Variants in LUZP1 observed in about 807,000 individuals in gnomAD.
The protein encoded by LUZP1 is filamin mechanobinding actin cross-linking protein.
A neutral mutation model predicts 71.3 loss-of-function variants in LUZP1; 25 were observed. That is an observed-to-expected ratio of 0.35 (90% CI 0.26 to 0.49). The LOEUF is 0.49. Ranked by LOEUF, LUZP1 falls within the 20% of genes least tolerant of loss-of-function variation. LUZP1 has a pLI of 0.99. For synonymous variants in LUZP1, 481 were observed against 506.4 expected (o/e 0.95, Z 0.67); for missense variants, 1,142 against 1,300.8 (o/e 0.88, Z 1.88).
chr1:23,105,516 A>G (rs1001042897), intron 3 of LUZP1, among the ~76,000 whole-genome samples: 1 of 152,226 alleles, frequency 6.6e-6, no homozygotes, highest in African/African-American at 2.4e-5. Context: ...TCTATGCTTC[A>G]ATACCTATAA....
intron 2 of LUZP1, among the ~76,000 whole-genome samples, chr1:23,135,643 C>T (rs1052760379): frequency 6.6e-6 from 1 of 152,072 alleles, no homozygotes; most frequent in Admixed American, 6.5e-5. Flanking sequence ...CACATTGGAC[C>T]GGAGTTGCTG....
chr1:23,135,857 AC>A (rs1375926175), intron 2 of LUZP1, among the ~76,000 whole-genome samples: 1 of 152,218 alleles, frequency 6.6e-6, no homozygotes, highest in Admixed American at 6.5e-5. Flanking sequence ...AATTACTATA[AC>A]CCTTAGTTGA....
chr1:23,150,731 T>C (rs1036600635), intron 2 of LUZP1, among the ~76,000 whole-genome samples: 1 of 151,998 alleles, frequency 6.6e-6, no homozygotes, highest in Non-Finnish European at 1.5e-5. Flanking sequence ...GACAAACATA[T>C]CAAAAAACTG....
intron 2 of LUZP1, among the ~76,000 whole-genome samples, chr1:23,115,141 T>C (rs1264041832): frequency 6.6e-6 from 1 of 152,244 alleles, no homozygotes; most frequent in African/African-American, 2.4e-5. Context: ...TTTCAGTACC[T>C]ATCTATGATA....
At chr1:23,089,004 T>A (rs776292956) in exon 5 of LUZP1, 5 of 1,613,686 alleles carry the variant, frequency 3.1e-6, no homozygotes, top group Non-Finnish European at 4.2e-6. Flanking sequence ...ATCCAGGGAG[T>A]TGTGCAGTTG....
rs146253473 is a variant in LUZP1 at position 23,091,776 on chromosome 1, G to A, written c.2486C>T (p.Ala829Val). The stretch of plus-strand genomic sequence containing the variant: ...ATGGTTGCTAACTGATGTGAGCTCT[G>A]CCAGCCCCACCTGGATATTGCTAGT... The change falls in exon 4 of 5, where the codon GCA becomes GTA. Residue 829 changes from alanine (A) to valine (V), a missense_variant. Ala to Val is a moderately conservative substitution (Grantham distance 64). Coordinates refer to ENST00000302291, the Ensembl canonical transcript of LUZP1. 19 of 1,613,922 alleles carry A rather than the reference G, an allele frequency of 1.2e-5. No individual in the cohort carries two copies. The highest frequency in any genetic ancestry group is 1.5e-5 in the Non-Finnish European group (18 of 1,180,036).
chr1:23,107,835 G>C (rs536079027), intron 3 of LUZP1, among the ~76,000 whole-genome samples: 19 of 152,296 alleles, frequency 1.2e-4, no homozygotes, highest in Admixed American at 5.9e-4. Flanking sequence ...TACAGGGCAA[G>C]AGTTTGCCTT....
At chr1:23,091,896 G>A in exon 4 of LUZP1, 6 of 1,614,166 alleles carry the variant, frequency 3.7e-6, no homozygotes, top group Non-Finnish European at 5.1e-6. Context: ...CACTTTGTTT[G>A]GCCCTGGTTT....
chr1:23,111,595 G>A (rs6663369), intron 2 of LUZP1, among the ~76,000 whole-genome samples: 25,590 of 151,986 alleles, frequency 0.17, 2,281 homozygotes, highest in Middle Eastern at 0.3. Flanking sequence ...ATACCAAGGC[G>A]GCACCCAAGA....
At chr1:23,129,804 T>C (rs1290144154) in intron 2 of LUZP1, among the ~76,000 whole-genome samples, 4 of 152,220 alleles carry the variant, frequency 2.6e-5, no homozygotes, top group East Asian at 1.9e-4. Flanking sequence ...ATTTTCTGCA[T>C]CTGTATCTAT....
At chr1:23,102,276 CTCTT>C (rs1643938095) in intron 3 of LUZP1, among the ~76,000 whole-genome samples, 1 of 152,140 alleles carries the variant, frequency 6.6e-6, no homozygotes, top group Non-Finnish European at 1.5e-5. Flanking sequence ...TCATTCAGGG[CTCTT>C]TCTATCAAAG....
intron 2 of LUZP1, among the ~76,000 whole-genome samples, chr1:23,129,474 G>C (rs529910723): frequency 1.3e-5 from 2 of 152,138 alleles, no homozygotes; most frequent in African/African-American, 4.8e-5. Context: ...CCAGCTACTT[G>C]GGAGGCTGAG....
intron 2 of LUZP1, among the ~76,000 whole-genome samples, chr1:23,161,485 GC>G (rs1315587422): frequency 6.6e-6 from 1 of 152,102 alleles, no homozygotes; most frequent in African/African-American, 2.4e-5. Flanking sequence ...AATAAATAAG[GC>G]CAGTGGCTCA....
intron 2 of LUZP1, among the ~76,000 whole-genome samples, chr1:23,144,804 C>T (rs1387538889): frequency 2.6e-5 from 4 of 152,158 alleles, no homozygotes; most frequent in Admixed American, 2.6e-4. Flanking sequence ...AGAACACATC[C>T]CAAGCCTTTT....
intron 1 of LUZP1, among the ~76,000 whole-genome samples, chr1:23,177,283 G>A (rs1036932181): frequency 2.0e-5 from 3 of 152,136 alleles, no homozygotes; most frequent in African/African-American, 7.2e-5. Flanking sequence ...ACAATTACAA[G>A]GGGTTCACAG....
intron 1 of LUZP1, among the ~76,000 whole-genome samples, chr1:23,171,987 A>G (rs1644555167): frequency 6.6e-6 from 1 of 152,184 alleles, no homozygotes; most frequent in South Asian, 2.1e-4. Flanking sequence ...GCCACTTACT[A>G]GTTATGTAAT....
Position 23,093,300 on chromosome 1 carries a change from T to G in LUZP1, c.962A>C (p.Asp321Ala). Reference sequence around the variant, plus strand: ...TTCACTTAGGTAATTATCCTGAAGGTCGTTATTTTTGGACTTCATTTTCTT... The same window carrying G: ...TTCACTTAGGTAATTATCCTGAAGGGCGTTATTTTTGGACTTCATTTTCTT... Residue 321 changes from aspartate (D) to alanine (A), a missense_variant, in exon 4 of 5, where the codon GAC (aspartate) becomes GCC (alanine). Transcript: ENST00000302291. The surrounding 1 kb of genome is among the most constrained non-coding windows in gnomAD (Gnocchi z 4.2). 6.2e-7 allele frequency: 1 copy of G among 1,610,602 alleles called. No homozygotes were observed. Among genetic ancestry groups the G allele is most frequent in the Non-Finnish European group, 8.5e-7 (1 of 1,179,210 alleles).
At chr1:23,100,147 G>C (rs1643919717) in intron 3 of LUZP1, among the ~76,000 whole-genome samples, 1 of 152,138 alleles carries the variant, frequency 6.6e-6, no homozygotes, top group South Asian at 2.1e-4. Flanking sequence ...TCTCCAACTT[G>C]TGTCACCACT....
intron 4 of LUZP1, chr1:23,090,800 C>T (rs969897781): frequency 2.1e-5 from 15 of 710,408 alleles, no homozygotes; most frequent in East Asian, 8.1e-5. Context: ...GAAAGGGCAC[C>T]GGGCCTCCTC....
Sources: gnomAD v4.1 joint callset for allele counts (sites outside exome capture counted in the v4.1 genomes callset) on GRCh38, gnomAD v4.1.1 for gene constraint, Gnocchi (gnomAD v3.1) non-coding constraint, MANE v1.5 for transcripts, NCBI Gene and HGNC (gene_info 2026-07-23, HGNC 2026-07-21) for gene names.